The following ELAPOR1 variants were observed in gnomAD, a reference collection of about 807,000 sequenced individuals.
ELAPOR1 encodes endosome-lysosome associated apoptosis and autophagy regulator 1.
In ELAPOR1, 77 loss-of-function variants were observed where a neutral mutation model predicts 119.7. The ratio of observed to expected loss-of-function variants is 0.64; its 90% confidence interval spans 0.54 to 0.78. The LOEUF is 0.78. Ranked by LOEUF, ELAPOR1 falls within the 30% of genes least tolerant of loss-of-function variation. The pLI, the probability that ELAPOR1 is intolerant of heterozygous loss-of-function variation, is 0.00. For missense variants in ELAPOR1, 1,115 were observed against 1,270.4 expected (o/e 0.88, Z 1.86); for synonymous variants, 481 against 487.2 (o/e 0.99, Z 0.17).
chr1:109,115,321 G>C (rs955986068), intron 1 of ELAPOR1, among the ~76,000 whole-genome samples: 1 of 152,140 alleles, frequency 6.6e-6, no homozygotes, highest in Non-Finnish European at 1.5e-5. Flanking sequence ...TTATTTCTGT[G>C]AAATGTGAAG....
At chr1:109,153,324 A>T (rs2101023632) in intron 1 of ELAPOR1, among the ~76,000 whole-genome samples, 1 of 152,322 alleles carries the variant, frequency 6.6e-6, no homozygotes, top group Admixed American at 6.5e-5. Context: ...ATCTAAAGGA[A>T]ATAATTAGAG....
intron 7 of ELAPOR1, among the ~76,000 whole-genome samples, chr1:109,178,229 T>C (rs1237645016): frequency 1.3e-5 from 2 of 152,132 alleles, no homozygotes; most frequent in African/African-American, 4.8e-5. Flanking sequence ...CAGCCTGGTC[T>C]TGAACTCCTG....
intron 1 of ELAPOR1, among the ~76,000 whole-genome samples, chr1:109,128,678 A>T (rs1313174483): frequency 6.6e-6 from 1 of 152,224 alleles, no homozygotes; most frequent in Non-Finnish European, 1.5e-5. Flanking sequence ...GGGTTAAAAA[A>T]GTATTAATTT....
intron 3 of ELAPOR1, among the ~76,000 whole-genome samples, chr1:109,166,009 G>A (rs976994885): frequency 4.0e-5 from 6 of 151,666 alleles, no homozygotes; most frequent in East Asian, 1.9e-4. Context: ...TCTGCCTCCC[G>A]GGTTGACGCC....
Position 109,120,395 on chromosome 1 carries a change from T to TTAAAATAAAATAAAATAAAATAAAA in ELAPOR1, c.153+6069_153+6093dup, listed in dbSNP as rs111497710. Among the ~76,000 whole-genome samples, 139 of 147,904 alleles carry TTAAAATAAAATAAAATAAAATAAAA rather than the reference T, an allele frequency of 9.4e-4. 1 individual carries two copies. Among genetic ancestry groups the TTAAAATAAAATAAAATAAAATAAAA allele is most frequent in the African/African-American group, 3.4e-3 (134 of 39,056 alleles). On this transcript the variant is annotated intron_variant, in intron 1 of 21. Transcript: ENST00000369939. ...CTGCGTGACAGAGCAAGACTCTGTC[T>TTAAAATAAAATAAAATAAAATAAAA]TAAAATAAAATAAAATAAAATAAAA...
At chr1:109,172,114 T>G in intron 4 of ELAPOR1, 101 bp downstream of exon 4, 1 of 1,412,752 alleles carries the variant, frequency 7.1e-7, no homozygotes, top group Non-Finnish European at 9.9e-7. Context: ...CTTGGGGGAA[T>G]CACTGTTGTT....
At chr1:109,186,967 G>T (rs1473541257) in intron 8 of ELAPOR1, 1 of 985,432 alleles carries the variant, frequency 1.0e-6, no homozygotes, top group Non-Finnish European at 1.2e-6. Flanking sequence ...GAGCACTGAA[G>T]CGTGTGCTTT....
At chr1:109,140,493 T>A (rs2100997670) in intron 1 of ELAPOR1, among the ~76,000 whole-genome samples, 1 of 152,270 alleles carries the variant, frequency 6.6e-6, no homozygotes, top group South Asian at 2.1e-4. Context: ...TTTGTATAGA[T>A]CACTCTGGCT....
At chr1:109,133,200 A>C (rs1649256567) in intron 1 of ELAPOR1, among the ~76,000 whole-genome samples, 1 of 152,192 alleles carries the variant, frequency 6.6e-6, no homozygotes, top group South Asian at 2.1e-4. Flanking sequence ...ACTGCACTCC[A>C]GCCTGAGTGA....
chr1:109,130,046 C>A (rs952810679), intron 1 of ELAPOR1, among the ~76,000 whole-genome samples: 1 of 152,188 alleles, frequency 6.6e-6, no homozygotes, highest in Non-Finnish European at 1.5e-5. Context: ...GCTTACAGCT[C>A]CATCACTCCA....
chr1:109,162,067 C>G (rs752922396), intron 2 of ELAPOR1, 53 bp downstream of exon 2: 19 of 1,564,272 alleles, frequency 1.2e-5, no homozygotes, highest in Non-Finnish European at 1.7e-5. Context: ...TGGTCTCTCC[C>G]CCAAGTCTCC....
chr1:109,138,881 T>A (rs1361846760), intron 1 of ELAPOR1, among the ~76,000 whole-genome samples: 1 of 147,584 alleles, frequency 6.8e-6, no homozygotes, highest in African/African-American at 2.5e-5. Flanking sequence ...GACGTTAAAA[T>A]TTTTTTCAAA....
chr1:109,180,033 C>A (rs1264402648), intron 7 of ELAPOR1, among the ~76,000 whole-genome samples: 2 of 152,164 alleles, frequency 1.3e-5, no homozygotes, highest in Non-Finnish European at 1.5e-5. Context: ...CAGCTGGCAT[C>A]ATTGCTGATG....
chr1:109,139,491 A>G (rs990062305), intron 1 of ELAPOR1, among the ~76,000 whole-genome samples: 1 of 152,228 alleles, frequency 6.6e-6, no homozygotes, highest in Admixed American at 6.5e-5. Context: ...CAACAAAACC[A>G]GAGACAGGAG....
chr1:109,142,429 G>T (rs1251941158), intron 1 of ELAPOR1, among the ~76,000 whole-genome samples: 2 of 152,202 alleles, frequency 1.3e-5, no homozygotes, highest in African/African-American at 4.8e-5. Context: ...TATAGTGTTT[G>T]CTGAATTCCA....
At chr1:109,156,466 T>C (rs1308921584) in intron 1 of ELAPOR1, among the ~76,000 whole-genome samples, 1 of 152,236 alleles carries the variant, frequency 6.6e-6, no homozygotes, top group Non-Finnish European at 1.5e-5. Flanking sequence ...ATTGAAATGC[T>C]GTACTCATCA....
At chr1:109,152,709 G>A (rs1650607566) in intron 1 of ELAPOR1, among the ~76,000 whole-genome samples, 1 of 152,100 alleles carries the variant, frequency 6.6e-6, no homozygotes. Flanking sequence ...TTGGGAGGCT[G>A]AGGCAGGCAG....
intron 15 of ELAPOR1, among the ~76,000 whole-genome samples, chr1:109,195,151 T>C (rs922632433): frequency 2.0e-5 from 3 of 151,600 alleles, no homozygotes; most frequent in Admixed American, 6.6e-5. Flanking sequence ...TAAAATAAGG[T>C]GTTCTTTTAC....
chr1:109,129,668 G>A (rs964050413), intron 1 of ELAPOR1, among the ~76,000 whole-genome samples: 3 of 152,204 alleles, frequency 2.0e-5, no homozygotes, highest in Admixed American at 6.5e-5. Context: ...TGGACAGAGC[G>A]CAGCCTCTGG....
Sources: gnomAD v4.1 joint callset for allele counts (sites outside exome capture counted in the v4.1 genomes callset) on GRCh38, gnomAD v4.1.1 for gene constraint, MANE v1.5 for transcripts, NCBI Gene and HGNC (gene_info 2026-07-23, HGNC 2026-07-21) for gene names.